The following PCDH9 variants were observed in gnomAD, a reference collection of about 807,000 sequenced individuals.
PCDH9 encodes protocadherin-9.
In PCDH9, 24 loss-of-function variants were observed where a neutral mutation model predicts 70.6. The observed-to-expected ratio is 0.34, with a 90% CI of 0.25 to 0.48. The LOEUF (loss-of-function observed/expected upper bound fraction) is 0.48, where lower values mean the gene tolerates loss of function less well. Ranked by LOEUF, PCDH9 falls within the 20% of genes least tolerant of loss-of-function variation. The pLI is 0.99. For missense variants in PCDH9, 1,281 were observed against 1,503.6 expected, an observed-to-expected ratio of 0.85 and a Z score of 2.45; for synonymous variants, 562 against 558.5, an observed-to-expected ratio of 1.01 and a Z score of -0.09.
At chr13:66,668,463 C>A (rs114953289) in intron 3 of PCDH9, among the ~76,000 whole-genome samples, 6 of 152,106 alleles carry the variant, frequency 3.9e-5, no homozygotes, top group Non-Finnish European at 7.4e-5. Context: ...ACTGAAGGAA[C>A]CTGAATCCTG....
intron 3 of PCDH9, among the ~76,000 whole-genome samples, chr13:66,726,334 A>C (rs113251107): frequency 0.017 from 2,576 of 152,326 alleles, 80 homozygotes; most frequent in African/African-American, 0.059. Context: ...CTTGACAAAC[A>C]AAAACTTTTA....
intron 4 of PCDH9, among the ~76,000 whole-genome samples, chr13:66,624,061 A>C (rs996669302): frequency 1.3e-5 from 2 of 152,218 alleles, no homozygotes; most frequent in Non-Finnish European, 2.9e-5. Flanking sequence ...TAACATTTAA[A>C]GAAATATCAG....
At chr13:66,698,895 C>CTTTTTTTTTTTTTTT (rs67333897) in intron 3 of PCDH9, among the ~76,000 whole-genome samples, 5 of 61,130 alleles carry the variant, frequency 8.2e-5, no homozygotes, top group Non-Finnish European at 6.4e-5. Context: ...CTCAATTCCT[C>CTTTTTTTTTTTTTTT]TTTTTTTTTT....
intron 2 of PCDH9, among the ~76,000 whole-genome samples, chr13:66,997,350 A>C (rs2084138639): frequency 6.6e-6 from 1 of 152,060 alleles, no homozygotes; most frequent in Admixed American, 6.5e-5. Context: ...CAAGAAAGGG[A>C]GGGAGAAGGT....
chr13:66,589,707 A>C (rs1186944733), intron 4 of PCDH9, among the ~76,000 whole-genome samples: 1 of 152,082 alleles, frequency 6.6e-6, no homozygotes, highest in Non-Finnish European at 1.5e-5. Context: ...CAGGGTGGGC[A>C]ACAGGCTGAA....
intron 4 of PCDH9, among the ~76,000 whole-genome samples, chr13:66,518,196 G>A (rs1475048277): frequency 6.6e-6 from 1 of 151,960 alleles, no homozygotes; most frequent in Non-Finnish European, 1.5e-5. Context: ...GAGGGGAGGT[G>A]CCACACACTT....
intron 2 of PCDH9, chr13:67,221,983 A>G (rs1411445568): frequency 1.3e-5 from 2 of 152,178 alleles, no homozygotes; most frequent in Non-Finnish European, 2.9e-5. Context: ...TTAGCAATGT[A>G]TATTTTCAGT....
At position 67,226,767 on chromosome 13, in the gene PCDH9, C is replaced by T. The variant is rs2089884984; in HGVS notation, c.1674G>A (p.Val558=). The change falls in exon 2 of 5, where the codon GTG becomes GTA. Residue 558 remains valine (V), a synonymous_variant. Coordinates refer to ENST00000377865, the MANE Select transcript of PCDH9 (RefSeq NM_203487.3). The surrounding 1 kb of genome is among the most constrained non-coding windows in gnomAD (Gnocchi z 5.0). ...GTPPLQSQAA[V]IVTVLDENDN... Reference sequence around the variant, plus strand: ...CATTCTCATCCAGAACAGTAACAATCACAGCCGCTTGGCTTTGGAGGGGAG... The same window carrying T: ...CATTCTCATCCAGAACAGTAACAATTACAGCCGCTTGGCTTTGGAGGGGAG... 6.2e-7 allele frequency: 1 copy of T among 1,614,146 alleles called. No individual in the cohort carries two copies.
At chr13:67,159,254 G>A (rs1035288937) in intron 2 of PCDH9, among the ~76,000 whole-genome samples, 6 of 152,280 alleles carry the variant, frequency 3.9e-5, no homozygotes, top group African/African-American at 1.2e-4. Flanking sequence ...TGAGACTCAC[G>A]GGTTCGAGAA....
At chr13:66,983,104 C>T (rs1219072612) in intron 2 of PCDH9, among the ~76,000 whole-genome samples, 3 of 152,122 alleles carry the variant, frequency 2.0e-5, no homozygotes, top group Non-Finnish European at 4.4e-5. Flanking sequence ...AGAAGAATAG[C>T]TAATGGATGC....
chr13:67,013,677 C>CTCAT (rs1452218460), intron 2 of PCDH9, among the ~76,000 whole-genome samples: 20 of 151,770 alleles, frequency 1.3e-4, no homozygotes, highest in African/African-American at 4.8e-4. Flanking sequence ...AGATGATAGC[C>CTCAT]TCATTCATCC....
chr13:66,919,761 T>G (rs928905470), intron 2 of PCDH9, among the ~76,000 whole-genome samples: 6 of 151,034 alleles, frequency 4.0e-5, no homozygotes, highest in African/African-American at 1.5e-4. Context: ...AAAACCCTCT[T>G]CTGCCTGTCA....
intron 3 of PCDH9, among the ~76,000 whole-genome samples, chr13:66,737,145 A>G (rs1335063504): frequency 6.6e-6 from 1 of 152,236 alleles, no homozygotes; most frequent in African/African-American, 2.4e-5. Context: ...ATATTTATTC[A>G]TCAAATAATA....
chr13:66,356,782 C>T (rs890640348), intron 4 of PCDH9, among the ~76,000 whole-genome samples: 6 of 152,012 alleles, frequency 3.9e-5, no homozygotes, highest in African/African-American at 1.2e-4. Flanking sequence ...ATGCTACATC[C>T]TTACTAGATA....
chr13:66,561,882 C>T (rs991304074), intron 4 of PCDH9, among the ~76,000 whole-genome samples: 5 of 152,094 alleles, frequency 3.3e-5, no homozygotes, highest in South Asian at 2.1e-4. Context: ...CTCTTCCACA[C>T]TGTGGAAGCT....
At chr13:66,740,197 C>A (rs539778152) in intron 3 of PCDH9, among the ~76,000 whole-genome samples, 26 of 142,744 alleles carry the variant, frequency 1.8e-4, no homozygotes, top group African/African-American at 6.6e-4. Flanking sequence ...CACTCAAAGC[C>A]GCTCAACTAC....
chr13:66,990,865 T>C (rs995902594), intron 2 of PCDH9: 3 of 151,926 alleles, frequency 2.0e-5, no homozygotes, highest in Admixed American at 6.6e-5. Flanking sequence ...AAATGCTCCA[T>C]GTTGTTTATA....
chr13:67,138,849 C>T (rs1023368739), intron 2 of PCDH9, among the ~76,000 whole-genome samples: 1 of 152,112 alleles, frequency 6.6e-6, no homozygotes, highest in East Asian at 1.9e-4. Flanking sequence ...ATAGCCTATA[C>T]ATATGAGAGT....
At chr13:66,478,552 C>A (rs1268202081) in intron 4 of PCDH9, among the ~76,000 whole-genome samples, 1 of 152,106 alleles carries the variant, frequency 6.6e-6, no homozygotes. Flanking sequence ...AGGGAACACA[C>A]AAATGATTTT....
Sources: gnomAD v4.1 joint callset for allele counts (sites outside exome capture counted in the v4.1 genomes callset) on GRCh38, gnomAD v4.1.1 for gene constraint, Gnocchi (gnomAD v3.1) non-coding constraint, MANE v1.5 for transcripts, NCBI Gene and HGNC (gene_info 2026-07-23, HGNC 2026-07-21) for gene names.